NPAS3: variants seen among roughly 807,000 people sequenced by gnomAD.
NPAS3 encodes the protein neuronal PAS domain-containing protein 3.
In NPAS3, 14 loss-of-function variants were observed where a neutral mutation model predicts 73.1. That is an observed-to-expected ratio of 0.19 (90% confidence interval 0.13 to 0.30). The LOEUF (loss-of-function observed/expected upper bound fraction) is 0.30. Ranked by LOEUF, NPAS3 falls within the 10% of genes least tolerant of loss-of-function variation. The probability of loss-of-function intolerance (pLI) is 1.00; values close to 1 mark genes in which losing one functional copy is unlikely to be tolerated. For missense variants in NPAS3, 1,096 were observed against 1,250.0 expected (o/e 0.88, Z 1.86); for synonymous variants, 620 against 541.5 (o/e 1.14, Z -2.01).
chr14:33,595,004 C>G (rs757304988), intron 5 of NPAS3, among the ~76,000 whole-genome samples: 1 of 152,128 alleles, frequency 6.6e-6, no homozygotes, highest in Non-Finnish European at 1.5e-5. Flanking sequence ...AAAACCATGC[C>G]ATTTGCCTAA....
chr14:33,181,111 T>C (rs1341069290), intron 2 of NPAS3, among the ~76,000 whole-genome samples: 2 of 152,088 alleles, frequency 1.3e-5, no homozygotes, highest in Non-Finnish European at 1.5e-5. Context: ...AGAGATACCA[T>C]TGGAGGAGGT....
intron 5 of NPAS3, among the ~76,000 whole-genome samples, chr14:33,615,979 A>G (rs1166474049): frequency 6.6e-6 from 1 of 152,244 alleles, no homozygotes; most frequent in Non-Finnish European, 1.5e-5. Context: ...TGATGAGCCC[A>G]ATAGAAAGTC....
chr14:33,189,480 T>G (rs912856), intron 2 of NPAS3, among the ~76,000 whole-genome samples: 144,361 of 152,248 alleles, frequency 0.95, 68,719 homozygotes, highest in Non-Finnish European at 0.99. Flanking sequence ...ACTGAGTAAG[T>G]CCCACGAGGG....
chr14:33,259,208 A>G (rs1195100667), intron 3 of NPAS3, among the ~76,000 whole-genome samples: 1 of 152,148 alleles, frequency 6.6e-6, no homozygotes, highest in Non-Finnish European at 1.5e-5. Flanking sequence ...TTTATCCCCC[A>G]GGTTCAGGGT....
chr14:33,192,113 A>G (rs905958900), intron 2 of NPAS3, among the ~76,000 whole-genome samples: 49 of 152,316 alleles, frequency 3.2e-4, no homozygotes, highest in African/African-American at 1.2e-3. Context: ...ACTTTTGGAC[A>G]TTGAACTCTG....
intron 4 of NPAS3, among the ~76,000 whole-genome samples, chr14:33,516,993 G>A (rs1413926970): frequency 5.9e-5 from 9 of 152,056 alleles, no homozygotes; most frequent in Non-Finnish European, 1.2e-4. Context: ...ACGATCTACT[G>A]AGGCAGATGA....
At chr14:33,727,661 A>C (rs1192775437) in intron 6 of NPAS3, among the ~76,000 whole-genome samples, 2 of 152,010 alleles carry the variant, frequency 1.3e-5, no homozygotes, top group Non-Finnish European at 2.9e-5. Flanking sequence ...AAAGAAATAG[A>C]AAGGGGGGAA....
rs185881526 is a variant in NPAS3, at chr14:33,758,849, G to A, written c.853-15488G>A. Among the ~76,000 whole-genome samples, 5 of 152,306 alleles carry A rather than the reference G, an allele frequency of 3.3e-5. No homozygotes were observed. The East Asian group carries it at 9.7e-4, about 29-fold the overall frequency. On this transcript the variant is annotated intron_variant, in intron 7 of 11. Coordinates refer to ENST00000356141, the Ensembl canonical transcript of NPAS3. ...AATTTCCTTGTTGATTAATTTGAAG[G>A]TAATTTCCTGGTAACCCAGGCTTCC...
At chr14:33,235,801 A>AATT in intron 3 of NPAS3, among the ~76,000 whole-genome samples, 1 of 105,968 alleles carries the variant, frequency 9.4e-6, no homozygotes, top group Non-Finnish European at 2.0e-5. Flanking sequence ...CTGTTGATAC[A>AATT]ATTCTTTTTT....
intron 3 of NPAS3, among the ~76,000 whole-genome samples, chr14:33,257,394 C>T (rs1254482929): frequency 2.6e-5 from 4 of 152,138 alleles, no homozygotes; most frequent in Non-Finnish European, 4.4e-5. Flanking sequence ...TGGTAATTTC[C>T]GTTCCCTTTC....
At chr14:33,489,639 A>G (rs1041709309) in intron 4 of NPAS3, among the ~76,000 whole-genome samples, 3 of 152,192 alleles carry the variant, frequency 2.0e-5, no homozygotes, top group Admixed American at 2.0e-4. Flanking sequence ...AAAATTCCTT[A>G]TTAGTTTTTT....
At chr14:33,421,864 G>C (rs1409088325) in intron 4 of NPAS3, among the ~76,000 whole-genome samples, 1 of 151,900 alleles carries the variant, frequency 6.6e-6, no homozygotes, top group Non-Finnish European at 1.5e-5. Flanking sequence ...AAGATGATTA[G>C]ATTGAAAGAT....
intron 4 of NPAS3, among the ~76,000 whole-genome samples, chr14:33,441,209 A>G (rs1215963539): frequency 1.3e-5 from 2 of 152,252 alleles, no homozygotes; most frequent in Non-Finnish European, 2.9e-5. Context: ...GAATTTTAAG[A>G]AATATAATAT....
chr14:33,496,099 A>G (rs1333882486), intron 4 of NPAS3, among the ~76,000 whole-genome samples: 2 of 152,200 alleles, frequency 1.3e-5, no homozygotes, highest in African/African-American at 4.8e-5. Flanking sequence ...AAAATCTAGA[A>G]GAAATGTATA....
chr14:33,532,485 G>C (rs2054088590), intron 4 of NPAS3, among the ~76,000 whole-genome samples: 1 of 152,062 alleles, frequency 6.6e-6, no homozygotes, highest in South Asian at 2.1e-4. Context: ...ATCCTGTGAG[G>C]ACAGGTGTTA....
chr14:33,449,010 A>G (rs866354511), intron 4 of NPAS3, among the ~76,000 whole-genome samples: 1 of 152,186 alleles, frequency 6.6e-6, no homozygotes. Flanking sequence ...GGAGGAAATA[A>G]AGGAGGAGAA....
chr14:32,936,501 TG>T (rs749275930), upstream of NPAS3, among the ~76,000 whole-genome samples: 67 of 152,286 alleles, frequency 4.4e-4, no homozygotes, highest in Middle Eastern at 3.4e-3. Context: ...GGTTCAGGTA[TG>T]TTTTTTTGGT....
intron 3 of NPAS3, among the ~76,000 whole-genome samples, chr14:33,271,788 AT>A (rs1021166611): frequency 2.0e-4 from 31 of 152,132 alleles, no homozygotes; most frequent in African/African-American, 6.5e-4. Flanking sequence ...TAATATATCC[AT>A]TTGGGGGGAC....
At chr14:33,199,045 G>A (rs1210644329) in intron 2 of NPAS3, among the ~76,000 whole-genome samples, 2 of 152,158 alleles carry the variant, frequency 1.3e-5, no homozygotes, top group African/African-American at 4.8e-5. Context: ...TGTGGGGCCC[G>A]CCGAGCCCAC....
Sources: gnomAD v4.1 joint callset for allele counts (sites outside exome capture counted in the v4.1 genomes callset) on GRCh38, gnomAD v4.1.1 for gene constraint, MANE v1.5 for transcripts, NCBI Gene and HGNC (gene_info 2026-07-23, HGNC 2026-07-21) for gene names.